JARID2: variants seen among roughly 807,000 people sequenced by gnomAD.
JARID2 encodes the protein jumonji and AT-rich interaction domain containing 2.
In JARID2, 21 loss-of-function variants were observed where a neutral mutation model predicts 125.6. The ratio of observed to expected loss-of-function variants is 0.17; its 90% CI spans 0.12 to 0.24. The LOEUF is 0.24. JARID2 is among the 10% of genes least tolerant of loss of function. The probability of loss-of-function intolerance (pLI) is 1.00; values close to 1 mark genes in which losing one functional copy is unlikely to be tolerated. For synonymous variants in JARID2, 736 were observed against 661.6 expected (o/e 1.11, Z -1.73); for missense variants, 1,303 against 1,639.6 (o/e 0.79, Z 3.55).
At chr6:15,396,564 C>T (rs372062391) in intron 2 of JARID2, among the ~76,000 whole-genome samples, 2 of 152,118 alleles carry the variant, frequency 1.3e-5, no homozygotes, top group East Asian at 1.9e-4. Flanking sequence ...CTGAAACTGT[C>T]GCTATTACCA....
At chr6:15,434,850 A>G (rs1767134801) in intron 3 of JARID2, among the ~76,000 whole-genome samples, 1 of 152,228 alleles carries the variant, frequency 6.6e-6, no homozygotes, top group African/African-American at 2.4e-5. Flanking sequence ...TATATAACTC[A>G]TGAAATTTTT....
At chr6:15,469,488 A>G (rs1411051230) in intron 5 of JARID2, among the ~76,000 whole-genome samples, 1 of 146,168 alleles carries the variant, frequency 6.8e-6, no homozygotes, top group Non-Finnish European at 1.5e-5. Flanking sequence ...GCTGGAGTGC[A>G]GTGGCGCGAT....
intron 4 of JARID2, among the ~76,000 whole-genome samples, chr6:15,455,478 C>G (rs751680164): frequency 9.9e-5 from 15 of 152,158 alleles, no homozygotes; most frequent in Non-Finnish European, 1.6e-4. Flanking sequence ...TTCCTCCTAT[C>G]TAACCATAAT....
intron 1 of JARID2, among the ~76,000 whole-genome samples, chr6:15,277,779 A>C (rs1050247247): frequency 2.3e-4 from 18 of 78,998 alleles, no homozygotes; most frequent in Non-Finnish European, 3.7e-4. Flanking sequence ...CCAAGTCTGC[A>C]AAAAAAAAAA....
chr6:15,281,924 C>CTG (rs3138771), intron 1 of JARID2, among the ~76,000 whole-genome samples: 21,105 of 146,048 alleles, frequency 0.14, 1,408 homozygotes, highest in Non-Finnish European at 0.17. Flanking sequence ...GGTATGTGCT[C>CTG]TGTGTGTGTG....
At chr6:15,421,706 C>G (rs866993630) in intron 3 of JARID2, among the ~76,000 whole-genome samples, 52 of 152,184 alleles carry the variant, frequency 3.4e-4, no homozygotes, top group African/African-American at 1.1e-3. Flanking sequence ...GGATTTGGAT[C>G]TAAGCTTTCA....
intron 1 of JARID2, among the ~76,000 whole-genome samples, chr6:15,355,755 G>A (rs1763578094): frequency 6.6e-6 from 1 of 152,122 alleles, no homozygotes; most frequent in Non-Finnish European, 1.5e-5. Context: ...GGGACCACAG[G>A]TGCGTGCCAC....
chr6:15,513,724 C>T (rs557100786), intron 16 of JARID2, among the ~76,000 whole-genome samples: 18 of 152,380 alleles, frequency 1.2e-4, no homozygotes, highest in African/African-American at 4.3e-4. Context: ...TACTTTGTCA[C>T]TCCAGCCCCC....
intron 3 of JARID2, among the ~76,000 whole-genome samples, chr6:15,442,012 C>T (rs568633849): frequency 2.0e-5 from 3 of 151,932 alleles, no homozygotes; most frequent in Non-Finnish European, 4.4e-5. Flanking sequence ...AAACTCCTGA[C>T]CTCAGGTGAT....
chr6:15,460,328 T>G (rs896415651), intron 4 of JARID2, among the ~76,000 whole-genome samples: 1 of 152,180 alleles, frequency 6.6e-6, no homozygotes, highest in Admixed American at 6.5e-5. Context: ...TCTGACCATG[T>G]TGTGCCCTCC....
intron 5 of JARID2, among the ~76,000 whole-genome samples, chr6:15,482,259 T>C (rs991748488): frequency 1.3e-5 from 2 of 152,240 alleles, no homozygotes; most frequent in African/African-American, 4.8e-5. Flanking sequence ...ATGGAACAGA[T>C]GATCTGGCCC....
chr6:15,449,161 A>G lies in JARID2; in HGVS notation c.324-2845A>G, dbSNP rs144384634. 8.8e-4 allele frequency among the ~76,000 whole-genome samples: 134 copies of G among 152,150 alleles called. 1 individual carries two copies. In the East Asian group the frequency reaches 0.025, roughly 28 times the overall value. Reference sequence around the variant, plus strand: ...GGGCTTCTGGTCTGTCATGACTTATATAGAGGCAGGCAGTTGGTTGCAAAA... The same window carrying G: ...GGGCTTCTGGTCTGTCATGACTTATGTAGAGGCAGGCAGTTGGTTGCAAAA... On this transcript the variant is annotated intron_variant, in intron 3 of 17. Coordinates refer to ENST00000341776, the MANE Select transcript of JARID2 (RefSeq NM_004973.4).
At position 15,430,695 on chromosome 6, in the gene JARID2, A is replaced by G. The variant is rs7762304; in HGVS notation, c.323+20330A>G. On this transcript the variant is annotated intron_variant, in intron 3 of 17. Transcript: ENST00000341776. ...GATGAAATCGCTTTTGTCAGTGCCT[A>G]CTTACCTGGGGGTTGTGGGACTTGT... Among the ~76,000 whole-genome samples the G allele has an allele frequency of 6.4e-3, 971 of 152,252 alleles. 14 individuals carry two copies. The highest frequency in any genetic ancestry group is 0.022 in the African/African-American group (908 of 41,542).
intron 1 of JARID2, among the ~76,000 whole-genome samples, chr6:15,297,239 C>T (rs1172066088): frequency 6.6e-6 from 1 of 152,196 alleles, no homozygotes; most frequent in Admixed American, 6.5e-5. Context: ...CAACTACCAC[C>T]TCCTGGGTTC....
At chr6:15,316,047 A>T (rs1462946373) in intron 1 of JARID2, among the ~76,000 whole-genome samples, 3 of 151,780 alleles carry the variant, frequency 2.0e-5, no homozygotes, top group Non-Finnish European at 4.4e-5. Context: ...TATCTTCAGT[A>T]TTTTCTCAAC....
chr6:15,261,764 C>T (rs1435069042), intron 1 of JARID2, among the ~76,000 whole-genome samples: 1 of 151,258 alleles, frequency 6.6e-6, no homozygotes, highest in Non-Finnish European at 1.5e-5. Context: ...ATATTGTATA[C>T]CTTATATACA....
chr6:15,416,674 C>G (rs979134909), intron 3 of JARID2, among the ~76,000 whole-genome samples: 3 of 118,390 alleles, frequency 2.5e-5, no homozygotes, highest in Admixed American at 1.1e-4. Flanking sequence ...AGTGGGAGAC[C>G]GTGGAAAGAG....
chr6:15,326,599 T>C (rs1385643399), intron 1 of JARID2, among the ~76,000 whole-genome samples: 1 of 152,106 alleles, frequency 6.6e-6, no homozygotes, highest in Non-Finnish European at 1.5e-5. Context: ...CCTCCCAGAC[T>C]CAGACAGTTC....
chr6:15,400,660 C>T lies in JARID2; in HGVS notation c.182-9564C>T, dbSNP rs2127554653. 1.3e-5 allele frequency among the ~76,000 whole-genome samples: 2 copies of T among 151,418 alleles called. 1 individual carries two copies. Among genetic ancestry groups the T allele is most frequent in the South Asian group, 4.2e-4 (2 of 4,796 alleles). ...AGCTAGTGACTCTTTTCCTTTTTCTCATTTTAATTTATCAGGGTGGGGGGA... is the reference window on the plus strand; with the variant it reads ...AGCTAGTGACTCTTTTCCTTTTTCTTATTTTAATTTATCAGGGTGGGGGGA... On this transcript the variant is annotated intron_variant, in intron 2 of 17. Transcript: ENST00000341776.
Sources: gnomAD v4.1 joint callset for allele counts (sites outside exome capture counted in the v4.1 genomes callset) on GRCh38, gnomAD v4.1.1 for gene constraint, MANE v1.5 for transcripts, NCBI Gene and HGNC (gene_info 2026-07-23, HGNC 2026-07-21) for gene names.